The following GABRB2 variants were observed in gnomAD, a reference collection of about 807,000 sequenced individuals.
The protein encoded by GABRB2 is gamma-aminobutyric acid type A receptor subunit beta2.
A neutral mutation model predicts 54.7 loss-of-function variants in GABRB2; 16 were observed. That is an observed-to-expected ratio of 0.29 (90% confidence interval 0.20 to 0.44). The LOEUF is 0.44. Ranked by LOEUF, GABRB2 falls within the 20% of genes least tolerant of loss-of-function variation. GABRB2 has a pLI of 1.00. For missense variants in GABRB2, 355 were observed against 644.0 expected, an observed-to-expected ratio of 0.55 and a Z score of 4.86; for synonymous variants, 244 against 233.8, an observed-to-expected ratio of 1.04 and a Z score of -0.40.
At chr5:161,342,075 T>C (rs1754186380) in intron 5 of GABRB2, among the ~76,000 whole-genome samples, 1 of 151,148 alleles carries the variant, frequency 6.6e-6, no homozygotes, top group Non-Finnish European at 1.5e-5. Context: ...TATTCTAGGA[T>C]TGTATCCAAT....
At chr5:161,525,413 G>T (rs1038728832) in intron 3 of GABRB2, among the ~76,000 whole-genome samples, 2 of 151,132 alleles carry the variant, frequency 1.3e-5, no homozygotes, top group African/African-American at 4.8e-5. Flanking sequence ...AGTAAAAAAG[G>T]TCTTTCAATT....
At chr5:161,323,801 G>A (rs185115959) in intron 9 of GABRB2, among the ~76,000 whole-genome samples, 1 of 152,200 alleles carries the variant, frequency 6.6e-6, no homozygotes, top group East Asian at 1.9e-4. Context: ...GTGTGTATGT[G>A]TTTATATGTA....
At chr5:161,327,757 G>A (rs974891998) in intron 8 of GABRB2, among the ~76,000 whole-genome samples, 2 of 151,944 alleles carry the variant, frequency 1.3e-5, no homozygotes, top group Non-Finnish European at 2.9e-5. Flanking sequence ...TCCATCTTTA[G>A]GAAATCACCA....
At chr5:161,304,071 G>C (rs192509014) in intron 9 of GABRB2, among the ~76,000 whole-genome samples, 29 of 152,280 alleles carry the variant, frequency 1.9e-4, no homozygotes, top group Non-Finnish European at 3.5e-4. Flanking sequence ...GCTAGAGTAA[G>C]TCTGGGATCA....
chr5:161,370,947 T>G (rs562884886), intron 5 of GABRB2, among the ~76,000 whole-genome samples: 3 of 152,312 alleles, frequency 2.0e-5, no homozygotes, highest in Admixed American at 6.5e-5. Flanking sequence ...CAAGAAATAA[T>G]GTTCCTAACC....
At chr5:161,419,095 C>G (rs1756770700) in intron 4 of GABRB2, among the ~76,000 whole-genome samples, 1 of 152,124 alleles carries the variant, frequency 6.6e-6, no homozygotes, top group Non-Finnish European at 1.5e-5. Flanking sequence ...ACACTGCACT[C>G]CAGCCTGGGT....
At chr5:161,306,795 T>TA (rs1757703226) in intron 9 of GABRB2, among the ~76,000 whole-genome samples, 1 of 151,858 alleles carries the variant, frequency 6.6e-6, no homozygotes, top group Non-Finnish European at 1.5e-5. Context: ...TAGCTGTGCT[T>TA]AAAAAAATTA....
chr5:161,518,231 A>C (rs1232124535), intron 3 of GABRB2, among the ~76,000 whole-genome samples: 1 of 152,246 alleles, frequency 6.6e-6, no homozygotes, highest in Non-Finnish European at 1.5e-5. Context: ...AAAAAGTATG[A>C]ACAGTAAGAA....
chr5:161,476,001 ATC>A (rs945180041), intron 3 of GABRB2, among the ~76,000 whole-genome samples: 12 of 151,974 alleles, frequency 7.9e-5, no homozygotes, highest in Admixed American at 6.6e-4. Context: ...AAGTAAAATA[ATC>A]TCTGTTTGCA....
chr5:161,383,417 A>G (rs1488417477), intron 5 of GABRB2, among the ~76,000 whole-genome samples: 1 of 152,034 alleles, frequency 6.6e-6, no homozygotes, highest in Non-Finnish European at 1.5e-5. Flanking sequence ...TTCCAAACAT[A>G]TAATCAAGAA....
At chr5:161,501,219 C>T (rs1007170115) in intron 3 of GABRB2, among the ~76,000 whole-genome samples, 20 of 151,998 alleles carry the variant, frequency 1.3e-4, no homozygotes, top group Middle Eastern at 3.4e-3. Flanking sequence ...CAAAGAGCTA[C>T]GCGCATGTAT....
At chr5:161,307,872 T>G (rs1580965971) in intron 9 of GABRB2, among the ~76,000 whole-genome samples, 1 of 151,610 alleles carries the variant, frequency 6.6e-6, no homozygotes, top group East Asian at 1.9e-4. Flanking sequence ...TCTTTTTTTT[T>G]TTTTTTGACC....
At chr5:161,514,286 A>G (rs1362412158) in intron 3 of GABRB2, among the ~76,000 whole-genome samples, 1 of 152,012 alleles carries the variant, frequency 6.6e-6, no homozygotes, top group African/African-American at 2.4e-5. Flanking sequence ...TGAAACTCCA[A>G]CCTCTTGTTC....
At chr5:161,539,621 A>C in intron 3 of GABRB2, among the ~76,000 whole-genome samples, 1 of 152,214 alleles carries the variant, frequency 6.6e-6, no homozygotes, top group Middle Eastern at 3.2e-3. Context: ...CAACCCAAGC[A>C]CACTTAAGAC....
At chr5:161,300,145 A>G (rs1274019219) in intron 9 of GABRB2, among the ~76,000 whole-genome samples, 1 of 152,196 alleles carries the variant, frequency 6.6e-6, no homozygotes, top group Admixed American at 6.6e-5. Flanking sequence ...GGAGATTGAC[A>G]GGACCTTTTA....
At chr5:161,389,454 T>C (rs1157029233) in intron 5 of GABRB2, among the ~76,000 whole-genome samples, 1 of 151,996 alleles carries the variant, frequency 6.6e-6, no homozygotes, top group Non-Finnish European at 1.5e-5. Context: ...GGAGGTTTGT[T>C]TTAAAAGTAT....
intron 3 of GABRB2, among the ~76,000 whole-genome samples, chr5:161,533,967 G>A (rs887569072): frequency 3.9e-5 from 6 of 152,128 alleles, no homozygotes; most frequent in Non-Finnish European, 7.4e-5. Context: ...TTAATGAAGT[G>A]ATAGGGATAT....
At chr5:161,315,532 A>G (rs1289192581) in intron 9 of GABRB2, among the ~76,000 whole-genome samples, 1 of 152,040 alleles carries the variant, frequency 6.6e-6, no homozygotes, top group African/African-American at 2.4e-5. Context: ...TGATATCAGG[A>G]CCCATTATTA....
intron 5 of GABRB2, among the ~76,000 whole-genome samples, chr5:161,387,725 A>G (rs555470052): frequency 7.9e-5 from 12 of 152,148 alleles, no homozygotes; most frequent in Non-Finnish European, 1.5e-4. Context: ...TATAGCTAAA[A>G]CTTAATACTT....
Sources: allele counts gnomAD v4.1 joint callset (sites outside exome capture counted in the v4.1 genomes callset), GRCh38; gene constraint gnomAD v4.1.1; transcripts MANE v1.5; gene names NCBI Gene and HGNC (gene_info 2026-07-23, HGNC 2026-07-21).